The following F8 variants were observed in gnomAD, a reference collection of about 807,000 sequenced individuals.
F8 encodes the protein antihemophilic factor.
In F8, 12 loss-of-function variants were observed where a neutral mutation model predicts 140.6. The observed-to-expected ratio is 0.09, with a 90% CI of 0.05 to 0.14. The LOEUF is 0.14. F8 is among the 10% of genes least tolerant of loss of function. The pLI is 1.00. For missense variants in F8, 1,354 were observed against 1,720.7 expected (o/e 0.79, Z 3.77); for synonymous variants, 585 against 614.6 (o/e 0.95, Z 0.71).
rs1282886652 is a variant in F8 at position 154,890,164 on chromosome X, CTTCT to C, written c.6429+5909_6429+5912del. On this transcript the variant is annotated intron_variant, in intron 22 of 25. Transcript: ENST00000360256. Reference sequence around the variant, plus strand: ...CCACAGGTGGTCTCTGTTGCACAGTCTTCTTTGTTTCTTTGTATGTTTGTCTTTG... The same window carrying C: ...CCACAGGTGGTCTCTGTTGCACAGTCTTGTTTCTTTGTATGTTTGTCTTTG... 7.7e-5 allele frequency among the ~76,000 whole-genome samples: 7 copies of C among 90,908 alleles called. 1 individual carries two copies. The South Asian group carries it at 3.0e-3, about 39-fold the overall frequency. 78.9% of individuals were successfully genotyped at this position (90,908 alleles called of 115,157 possible). A position where few individuals can be genotyped will look rare whatever the true frequency, so the allele number is the denominator to read the frequency against.
At chrX:154,967,835 C>T (rs1319356564) in intron 7 of F8, among the ~76,000 whole-genome samples, 1 of 111,392 alleles carries the variant, frequency 9.0e-6, no homozygotes, top group African/African-American at 3.3e-5. Flanking sequence ...AAGGTCTTGT[C>T]AAAATTCCAT....
intron 25 of F8, among the ~76,000 whole-genome samples, chrX:154,844,144 G>A (rs111468017): frequency 1.8e-5 from 2 of 111,154 alleles, no homozygotes; most frequent in East Asian, 2.8e-4. Context: ...TGTTCCATTG[G>A]TCTATATCTC....
At chrX:154,888,408 C>CTTTTTTT (rs1557274896) in intron 22 of F8, among the ~76,000 whole-genome samples, 1,479 of 52,849 alleles carry the variant, frequency 0.028, 159 homozygotes, top group African/African-American at 0.097. Flanking sequence ...TTTTTTTTTC[C>CTTTTTTT]CCCCGAGATG....
chrX:154,914,190 G>C (rs1222962622), intron 14 of F8, among the ~76,000 whole-genome samples: 2 of 112,788 alleles, frequency 1.8e-5, no homozygotes, highest in Non-Finnish European at 3.8e-5. Context: ...GAGTGGCTGG[G>C]ACACAGGGCA....
chrX:154,997,397 C>T (rs1196540189), intron 2 of F8, among the ~76,000 whole-genome samples: 2 of 112,005 alleles, frequency 1.8e-5, no homozygotes, highest in African/African-American at 3.2e-5. Context: ...ATTCTCAAGA[C>T]ATTAAGCACA....
rs185257285 is a variant in F8 at position 155,010,127 on chromosome X, G to A, written c.144-10527C>T. Among the ~76,000 whole-genome samples, 10 of 112,139 alleles carry A rather than the reference G, an allele frequency of 8.9e-5. No homozygotes were observed. The East Asian group carries it at 1.7e-3, about 19-fold the overall frequency. The stretch of plus-strand genomic sequence containing the variant: ...TGCCATTTGAGTGAATATTTTCCAC[G>A]CTGGCAGAAACATGTGATTTATTTG... On this transcript the variant is annotated intron_variant, in intron 1 of 25. Coordinates refer to ENST00000360256, the MANE Select transcript of F8 (RefSeq NM_000132.4).
chrX:154,925,167 T>C (rs1427845981), intron 14 of F8, among the ~76,000 whole-genome samples: 1 of 112,648 alleles, frequency 8.9e-6, no homozygotes, highest in African/African-American at 3.2e-5. Context: ...TCCAAACTTT[T>C]ATGCTCTGCT....
intron 6 of F8, among the ~76,000 whole-genome samples, chrX:154,978,185 T>C (rs2073497918): frequency 9.0e-6 from 1 of 111,041 alleles, no homozygotes; most frequent in Admixed American, 9.7e-5. Flanking sequence ...TTTGTATTTT[T>C]TTCAGAATTC....
chrX:154,930,742 C>T lies in F8; in HGVS notation c.3048G>A (p.Leu1016=), dbSNP rs2073191212. 8.3e-7 allele frequency: 1 copy of T among 1,208,029 alleles called. No individual in the cohort carries two copies. The highest frequency in any genetic ancestry group is 2.2e-5 in the Admixed American group (1 of 45,621). The change falls in exon 14 of 26, where the codon TTG becomes TTA. Residue 1016 remains leucine, a synonymous_variant. Coordinates refer to ENST00000360256, the MANE Select transcript of F8 (RefSeq NM_000132.4). ...TATTGGAAGTTTTGTTTGTCTTTAACAAAGAGATGCTAACTTTGAATAAGG... is the reference window on the plus strand; with the variant it reads ...TATTGGAAGTTTTGTTTGTCTTTAATAAAGAGATGCTAACTTTGAATAAGG... The part of the protein sequence containing the change: ...DNALFKVSIS[L]LKTNKTSNNS...
chrX:154,850,676 C>T (rs2072609222), intron 25 of F8, among the ~76,000 whole-genome samples: 1 of 110,473 alleles, frequency 9.1e-6, no homozygotes. Context: ...TTCATGTGGT[C>T]GTCCCTCTGT....
intron 12 of F8, among the ~76,000 whole-genome samples, chrX:154,950,254 G>C (rs184889763): frequency 4.1e-3 from 461 of 112,178 alleles, no homozygotes; most frequent in Middle Eastern, 9.1e-3. Context: ...TGTATACTAG[G>C]AGTGGATTTC....
At chrX:154,979,463 G>C (rs1195962611) in intron 6 of F8, among the ~76,000 whole-genome samples, 2 of 111,260 alleles carry the variant, frequency 1.8e-5, no homozygotes, top group African/African-American at 6.6e-5. Context: ...GTGAGGTGCT[G>C]GTTGTGCTAT....
chrX:154,845,771 G>T (rs1414773449), intron 25 of F8, among the ~76,000 whole-genome samples: 2 of 111,499 alleles, frequency 1.8e-5, no homozygotes, highest in African/African-American at 3.3e-5. Flanking sequence ...TTTTTAAAGG[G>T]TTTTTTGTGT....
At chrX:154,974,158 T>C (rs2073473236) in intron 6 of F8, among the ~76,000 whole-genome samples, 2 of 112,229 alleles carry the variant, frequency 1.8e-5, no homozygotes, top group South Asian at 7.4e-4. Flanking sequence ...AATTTGGATG[T>C]CTTGCCTAAT....
chrX:154,971,126 G>T (rs2073454370), intron 6 of F8, among the ~76,000 whole-genome samples: 1 of 110,940 alleles, frequency 9.0e-6, no homozygotes, highest in African/African-American at 3.3e-5. Flanking sequence ...GACTATTAAG[G>T]CCCTCTATAT....
chrX:154,928,544 G>T (rs1557278248), intron 14 of F8, 27 bp downstream of exon 14: 2 of 1,147,977 alleles, frequency 1.7e-6, no homozygotes, highest in East Asian at 3.0e-5. Flanking sequence ...CAAGAGCAGA[G>T]CAAAGGAATA....
chrX:154,915,007 C>T (rs1392130306), intron 14 of F8, among the ~76,000 whole-genome samples: 10 of 112,026 alleles, frequency 8.9e-5, no homozygotes, highest in Non-Finnish European at 1.9e-4. Context: ...GTATAATTGA[C>T]TCACAGTTCC....
intron 1 of F8, among the ~76,000 whole-genome samples, chrX:155,011,965 G>A (rs2073707999): frequency 8.9e-6 from 1 of 112,176 alleles, no homozygotes; most frequent in Non-Finnish European, 1.9e-5. Context: ...CGGAAAGTAG[G>A]TTAATGGTTG....
intron 22 of F8, among the ~76,000 whole-genome samples, chrX:154,870,675 T>C (rs1603431846): frequency 9.0e-6 from 1 of 111,644 alleles, no homozygotes; most frequent in South Asian, 3.7e-4. Context: ...CTATTCAACA[T>C]AGTATTGGAA....
Sources: allele counts gnomAD v4.1 joint callset (sites outside exome capture counted in the v4.1 genomes callset), GRCh38; gene constraint gnomAD v4.1.1; transcripts MANE v1.5; gene names NCBI Gene and HGNC (gene_info 2026-07-23, HGNC 2026-07-21).